WDPCP: variants seen among roughly 807,000 people sequenced by gnomAD.
The protein encoded by WDPCP is WD repeat-containing and planar cell polarity effector protein fritz homolog.
WDPCP carries 71 observed loss-of-function variants against 93.1 expected under a neutral mutation model. The ratio of observed to expected loss-of-function variants is 0.76; its 90% confidence interval spans 0.63 to 0.93. The LOEUF (loss-of-function observed/expected upper bound fraction) is 0.93. Among genes scored for constraint, WDPCP ranks in the 40% least tolerant of loss-of-function variants. The pLI, the probability that WDPCP is intolerant of heterozygous loss-of-function variation, is 0.00. For missense variants in WDPCP, 844 were observed against 887.4 expected (o/e 0.95, Z 0.62); for synonymous variants, 315 against 315.0 (o/e 1.00, Z 0.00).
intron 1 of WDPCP, among the ~76,000 whole-genome samples, chr2:63,555,546 C>G (rs578148965): frequency 9.6e-4 from 139 of 144,234 alleles, no homozygotes; most frequent in Non-Finnish European, 3.0e-4. Flanking sequence ...CTAGGTGAGA[C>G]CCCCCCGCAA....
Position 63,259,165 on chromosome 2 carries a change from A to C in WDPCP, c.1915+142T>G, listed in dbSNP as rs534722636. ...GTATCAACATTGTGCTGTTTGTCAA[A>C]GCTTAATTCTTCTTTTTATAAGGCA... is the stretch of plus-strand genomic sequence containing the variant. On this transcript the variant is annotated intron_variant, in intron 14 of 17. Transcript: ENST00000272321. 13 of 720,378 alleles carry C rather than the reference A, an allele frequency of 1.8e-5. No homozygotes were observed. In the African/African-American group the frequency reaches 2.3e-4, roughly 13 times the overall value. 44.6% of individuals were successfully genotyped at this position (720,378 alleles called of 1,614,324 possible).
intron 15 of WDPCP, among the ~76,000 whole-genome samples, chr2:63,169,904 T>A (rs1281024606): frequency 2.6e-5 from 4 of 151,980 alleles, no homozygotes; most frequent in South Asian, 2.1e-4. Flanking sequence ...TGGACTTTTT[T>A]TTTTTTTGAG....
At chr2:63,326,902 C>T (rs1172899033) in intron 12 of WDPCP, among the ~76,000 whole-genome samples, 1 of 152,190 alleles carries the variant, frequency 6.6e-6, no homozygotes, top group Non-Finnish European at 1.5e-5. Context: ...AATTGAAGGT[C>T]TTCTCTGTAA....
chr2:63,662,297 TAA>T (rs1710235113), intron 2 of WDPCP, among the ~76,000 whole-genome samples: 1 of 152,188 alleles, frequency 6.6e-6, no homozygotes. Context: ...TAAATGGTGA[TAA>T]TAGTTTATAC....
At chr2:63,156,451 T>C (rs559594712) in intron 15 of WDPCP, among the ~76,000 whole-genome samples, 8 of 152,272 alleles carry the variant, frequency 5.3e-5, no homozygotes, top group South Asian at 2.1e-4. Context: ...AGAAATACAA[T>C]TGGGCCGGGA....
intron 13 of WDPCP, among the ~76,000 whole-genome samples, chr2:63,300,363 G>C (rs371618389): frequency 6.6e-6 from 1 of 152,090 alleles, no homozygotes; most frequent in African/African-American, 2.4e-5. Flanking sequence ...GTGAGTAGAG[G>C]GGAGCGAACT....
intron 12 of WDPCP, among the ~76,000 whole-genome samples, chr2:63,326,885 A>G (rs1304256161): frequency 6.6e-6 from 1 of 152,198 alleles, no homozygotes; most frequent in African/African-American, 2.4e-5. Context: ...TAAAACCTCT[A>G]ATTGATAATT....
intron 13 of WDPCP, among the ~76,000 whole-genome samples, 174 bp from the exon 14 acceptor site, chr2:63,259,583 G>A (rs914428694): frequency 2.0e-5 from 3 of 152,122 alleles, no homozygotes; most frequent in African/African-American, 7.2e-5. Flanking sequence ...TTTCTGAATT[G>A]GAGATCACAG....
At chr2:63,829,507 C>A (rs1671162511), upstream of WDPCP, among the ~76,000 whole-genome samples, 1 of 152,092 alleles carries the variant, frequency 6.6e-6, no homozygotes, top group Admixed American at 6.6e-5. Context: ...AGTTCCAGTA[C>A]TCTCCATTTT....
At chr2:63,576,848 T>G (rs1708151499) in intron 1 of WDPCP, among the ~76,000 whole-genome samples, 1 of 152,152 alleles carries the variant, frequency 6.6e-6, no homozygotes, top group Admixed American at 6.6e-5. Context: ...AGAGACCAAA[T>G]ATATACTTCT....
intron 12 of WDPCP, 24 bp from the exon 13 acceptor site, chr2:63,313,335 T>C (rs375911343): frequency 1.1e-5 from 18 of 1,603,466 alleles, no homozygotes; most frequent in African/African-American, 8.0e-5. Flanking sequence ...AAAAATATTA[T>C]GTTAGTTGTG....
At chr2:63,498,201 C>T (rs976400326) in intron 1 of WDPCP, among the ~76,000 whole-genome samples, 1 of 152,152 alleles carries the variant, frequency 6.6e-6, no homozygotes, top group Non-Finnish European at 1.5e-5. Flanking sequence ...TTTTAAACAC[C>T]TTTCTAACTT....
intron 6 of WDPCP, among the ~76,000 whole-genome samples, chr2:63,483,328 T>A (rs1484967324): frequency 4.6e-5 from 7 of 152,018 alleles, no homozygotes; most frequent in African/African-American, 1.7e-4. Flanking sequence ...TAAAGTCTGA[T>A]TGAAATGTAC....
chr2:63,571,690 A>G (rs1707516892), intron 1 of WDPCP: 1 of 460,396 alleles, frequency 2.2e-6, no homozygotes, highest in Non-Finnish European at 4.5e-6. Context: ...GTATTTTAAG[A>G]TGCCAGAAAA....
At chr2:63,166,668 C>A (rs1032196644) in intron 15 of WDPCP, among the ~76,000 whole-genome samples, 1 of 152,128 alleles carries the variant, frequency 6.6e-6, no homozygotes, top group African/African-American at 2.4e-5. Flanking sequence ...GTTGGGATTA[C>A]AGGCATTAGC....
chr2:63,261,781 A>G (rs759021986), intron 13 of WDPCP, among the ~76,000 whole-genome samples: 1 of 152,148 alleles, frequency 6.6e-6, no homozygotes, highest in Admixed American at 6.5e-5. Context: ...CAAATCTCTA[A>G]TATTTGCTAT....
chr2:63,343,561 C>T (rs941088761), intron 12 of WDPCP, among the ~76,000 whole-genome samples: 1 of 152,138 alleles, frequency 6.6e-6, no homozygotes, highest in Non-Finnish European at 1.5e-5. Flanking sequence ...TGTTGAGCTT[C>T]TTGCATGTGC....
chr2:63,651,182 A>T (rs572533595), intron 2 of WDPCP, among the ~76,000 whole-genome samples: 1 of 152,326 alleles, frequency 6.6e-6, no homozygotes, highest in East Asian at 1.9e-4. Context: ...GAATGTTTAG[A>T]GAGGAAAATT....
chr2:63,364,802 T>C (rs1690767983), intron 12 of WDPCP, among the ~76,000 whole-genome samples: 1 of 152,236 alleles, frequency 6.6e-6, no homozygotes, highest in African/African-American at 2.4e-5. Context: ...TCCTTCTCTT[T>C]CCTTTCATAT....
Sources: gnomAD v4.1 joint callset for allele counts (sites outside exome capture counted in the v4.1 genomes callset) on GRCh38, gnomAD v4.1.1 for gene constraint, MANE v1.5 for transcripts, NCBI Gene and HGNC (gene_info 2026-07-23, HGNC 2026-07-21) for gene names.